XIRP2: variants seen among roughly 807,000 people sequenced by gnomAD.
XIRP2 encodes xin actin binding repeat containing 2.
In XIRP2, 236 loss-of-function variants were observed where a neutral mutation model predicts 277.0. The observed-to-expected ratio is 0.85, with a 90% CI of 0.77 to 0.95. XIRP2 has a LOEUF of 0.95. XIRP2 is among the 40% of genes least tolerant of loss of function. XIRP2 has a pLI of 0.00. For missense variants in XIRP2, 4,640 were observed against 4,157.5 expected (o/e 1.12, Z -3.19); for synonymous variants, 1,490 against 1,416.5 (o/e 1.05, Z -1.17).
intron 2 of XIRP2, among the ~76,000 whole-genome samples, chr2:167,045,161 C>G (rs1020912570): frequency 2.0e-5 from 3 of 152,048 alleles, no homozygotes; most frequent in African/African-American, 7.2e-5. Context: ...AAAGGATTTC[C>G]TAATCAATAA....
chr2:167,026,076 T>C (rs1041412316), intron 2 of XIRP2, among the ~76,000 whole-genome samples: 1 of 152,098 alleles, frequency 6.6e-6, no homozygotes, highest in African/African-American at 2.4e-5. Flanking sequence ...CCCATTATTA[T>C]TGTGTGGGAG....
intron 2 of XIRP2, among the ~76,000 whole-genome samples, chr2:166,982,564 C>T (rs1204308560): frequency 1.3e-5 from 2 of 151,752 alleles, no homozygotes; most frequent in African/African-American, 2.4e-5. Flanking sequence ...TTTAAAAATT[C>T]TTAATCATCT....
At chr2:167,129,885 A>G (rs1199066737) in intron 2 of XIRP2, among the ~76,000 whole-genome samples, 1 of 149,348 alleles carries the variant, frequency 6.7e-6, no homozygotes, top group Admixed American at 6.6e-5. Flanking sequence ...AAAAAAAAAA[A>G]GAAAAGAAAA....
chr2:167,190,999 C>T (rs934615328), intron 3 of XIRP2, among the ~76,000 whole-genome samples: 7 of 151,902 alleles, frequency 4.6e-5, no homozygotes, highest in Non-Finnish European at 1.0e-4. Flanking sequence ...CCCAGGAGTT[C>T]GAGACCAACC....
intron 4 of XIRP2, among the ~76,000 whole-genome samples, chr2:167,212,431 T>C (rs1694076353): frequency 6.6e-6 from 1 of 152,228 alleles, no homozygotes; most frequent in African/African-American, 2.4e-5. Context: ...AGGCATGATA[T>C]ATATTTATGA....
At chr2:166,917,771 A>G (rs1684928874) in intron 2 of XIRP2, among the ~76,000 whole-genome samples, 1 of 152,192 alleles carries the variant, frequency 6.6e-6, no homozygotes, top group African/African-American at 2.4e-5. Context: ...TGTTATAAGA[A>G]TATTGATACT....
intron 2 of XIRP2, among the ~76,000 whole-genome samples, chr2:166,976,750 C>T (rs972159041): frequency 6.6e-6 from 1 of 152,072 alleles, no homozygotes; most frequent in Non-Finnish European, 1.5e-5. Context: ...TAGCCATTTC[C>T]GTTGTAAGGA....
intron 2 of XIRP2, among the ~76,000 whole-genome samples, chr2:167,123,498 A>C (rs1026223090): frequency 7.0e-6 from 1 of 142,778 alleles, no homozygotes; most frequent in East Asian, 2.1e-4. Context: ...AGAGAAAAAA[A>C]CTTTTTTTTG....
At chr2:166,974,705 T>C (rs930494767) in intron 2 of XIRP2, among the ~76,000 whole-genome samples, 8 of 151,632 alleles carry the variant, frequency 5.3e-5, no homozygotes, top group African/African-American at 1.9e-4. Flanking sequence ...TAAAAATGAA[T>C]CAGTATAGGA....
chr2:167,010,588 T>C (rs1005748010), intron 2 of XIRP2, among the ~76,000 whole-genome samples: 1 of 152,264 alleles, frequency 6.6e-6, no homozygotes, highest in African/African-American at 2.4e-5. Context: ...TTAAATTAGT[T>C]TTTTCCAATT....
intron 2 of XIRP2, among the ~76,000 whole-genome samples, chr2:167,093,262 G>C (rs1389389518): frequency 2.0e-5 from 3 of 149,716 alleles, no homozygotes; most frequent in Non-Finnish European, 2.9e-5. Flanking sequence ...TAATTATCAA[G>C]TGTATGTTTG....
chr2:167,095,584 G>T (rs746916611), intron 2 of XIRP2, among the ~76,000 whole-genome samples: 14 of 152,034 alleles, frequency 9.2e-5, no homozygotes, highest in Admixed American at 9.2e-4. Flanking sequence ...TGTGGTTTTC[G>T]TCTTTGGTTC....
Position 167,243,059 on chromosome 2 carries a change from A to C in XIRP2, c.1667A>C (p.Asp556Ala). Residue 556 changes from aspartate to alanine, a missense_variant, in exon 9 of 11, where the codon GAT becomes GCT. Asp to Ala is a moderately radical substitution (Grantham distance 126, BLOSUM62 -2). Coordinates refer to ENST00000409195, the MANE Select transcript of XIRP2 (RefSeq NM_152381.6). ...FENTNDSSQK[D>A]LNSEREYLEW... is the part of the protein sequence containing the mutation. ...AACACAAATGACAGTTCTCAAAAAG[A>C]TCTGAACTCAGAAAGAGAATACTTG... 6.2e-7 allele frequency: 1 copy of C among 1,614,108 alleles called. No individual in the cohort carries two copies. The highest frequency in any genetic ancestry group is 8.5e-7 in the Non-Finnish European group (1 of 1,179,990).
chr2:167,076,745 T>C (rs1291987191), intron 2 of XIRP2, among the ~76,000 whole-genome samples: 10 of 152,206 alleles, frequency 6.6e-5, no homozygotes, highest in Non-Finnish European at 1.3e-4. Context: ...GATTATCTAC[T>C]TTTGCAGGGA....
At chr2:167,234,316 A>G (rs1267870799) in intron 5 of XIRP2, among the ~76,000 whole-genome samples, 3 of 151,394 alleles carry the variant, frequency 2.0e-5, no homozygotes, top group Admixed American at 6.6e-5. Context: ...TATCTGCATA[A>G]TTCATGCTTT....
At position 166,903,661 on chromosome 2, in the gene XIRP2, C is replaced by T. The variant is rs942815960; in HGVS notation, c.179C>T (p.Thr60Ile). The change falls in exon 2 of 11, where the codon ACA becomes ATA. Residue 60 changes from threonine to isoleucine, a missense_variant. Physicochemically the swap from Thr to Ile is moderately conservative, Grantham distance 89. Coordinates refer to ENST00000409195, the MANE Select transcript of XIRP2 (RefSeq NM_152381.6). Reference protein sequence around the residue: ...VVSAPQSLDPTSLPYSTGEEM... With the variant: ...VVSAPQSLDPISLPYSTGEEM... Reference sequence around the variant, plus strand: ...TCAGCACCTCAATCTTTGGATCCCACAAGTCTGCCCTACAGTACAGGGGAA... The same window carrying T: ...TCAGCACCTCAATCTTTGGATCCCATAAGTCTGCCCTACAGTACAGGGGAA... 7 of 1,613,518 alleles carry T rather than the reference C, an allele frequency of 4.3e-6. No homozygotes were observed. In the African/African-American group the frequency reaches 5.3e-5, roughly 12 times the overall value.
intron 2 of XIRP2, among the ~76,000 whole-genome samples, chr2:167,131,110 G>A (rs974847476): frequency 2.0e-5 from 3 of 151,944 alleles, no homozygotes; most frequent in Non-Finnish European, 2.9e-5. Context: ...ACTTCTGCCT[G>A]GGTTCTTATC....
Position 167,246,008 on chromosome 2 carries a change from A to C in XIRP2, c.4616A>C (p.Glu1539Ala), listed in dbSNP as rs1030655381. ...FETTPLHEFN[E>A]TRVEKIEIIG... ...ACAACACCACTTCATGAATTTAATG[A>C]AACTAGAGTAGAAAAGATAGAAATT... The change falls in exon 9 of 11, where the codon GAA becomes GCA. Residue 1539 changes from glutamate to alanine, a missense_variant. Physicochemically the swap from Glu to Ala is moderately radical, Grantham distance 107. Coordinates refer to ENST00000409195, the MANE Select transcript of XIRP2 (RefSeq NM_152381.6). 5 of 1,613,094 alleles carry C rather than the reference A, an allele frequency of 3.1e-6. No individual in the cohort carries two copies. The highest frequency in any genetic ancestry group is 4.5e-5 in the East Asian group (2 of 44,838).
intron 2 of XIRP2, among the ~76,000 whole-genome samples, chr2:167,015,355 A>G (rs1687791250): frequency 6.6e-6 from 1 of 151,804 alleles, no homozygotes; most frequent in Admixed American, 6.6e-5. Context: ...TCTTTGTATC[A>G]TAAAAGTAAT....
Sources: allele counts gnomAD v4.1 joint callset (sites outside exome capture counted in the v4.1 genomes callset), GRCh38; gene constraint gnomAD v4.1.1; transcripts MANE v1.5; gene names NCBI Gene and HGNC (gene_info 2026-07-23, HGNC 2026-07-21).